RTN4: variants seen among roughly 807,000 people sequenced by gnomAD.
The protein encoded by RTN4 is reticulon 4.
A neutral mutation model predicts 90.4 loss-of-function variants in RTN4; 32 were observed. That is an observed-to-expected ratio of 0.35 (90% CI 0.27 to 0.48). RTN4 has a LOEUF of 0.48. RTN4 is among the 20% of genes least tolerant of loss of function. The pLI, the probability that RTN4 is intolerant of heterozygous loss-of-function variation, is 0.99. For missense variants in RTN4, 1,706 were observed against 1,430.2 expected (o/e 1.19, Z -3.11); for synonymous variants, 629 against 552.5 (o/e 1.14, Z -1.94).
rs559058913 is a variant in RTN4, at chr2:55,038,466, A to T, written c.557-10246T>A. On this transcript the variant is annotated intron_variant, in intron 1 of 8. Transcript: ENST00000337526. ...ATACAACACAATTTAAGAATGGGCA[A>T]ATTACTTGAACAGACACTTCACCAA... is the stretch of plus-strand genomic sequence containing the variant. Among the ~76,000 whole-genome samples the T allele has an allele frequency of 1.7e-4, 25 of 150,786 alleles. No individual in the cohort carries two copies. In the East Asian group the frequency reaches 5.0e-3, roughly 30 times the overall value.
At chr2:55,097,487 G>A (rs1667765830) in intron 1 of RTN4, among the ~76,000 whole-genome samples, 1 of 152,028 alleles carries the variant, frequency 6.6e-6, no homozygotes, top group Admixed American at 6.6e-5. Flanking sequence ...GAAGAAACTG[G>A]AGGCAGAAAG....
At chr2:55,020,199 A>T (rs1573397275) in intron 3 of RTN4, among the ~76,000 whole-genome samples, 1 of 152,310 alleles carries the variant, frequency 6.6e-6, no homozygotes, top group South Asian at 2.1e-4. Flanking sequence ...GAATAGGAAA[A>T]AAAATCCTAA....
intron 3 of RTN4, among the ~76,000 whole-genome samples, chr2:54,993,006 G>A (rs1230609192): frequency 1.2e-4 from 18 of 150,618 alleles, no homozygotes; most frequent in East Asian, 1.9e-4. Flanking sequence ...CCCGAGAGGC[G>A]GAGGTTGCAG....
At chr2:55,086,497 C>CAA (rs36045085) in intron 1 of RTN4, among the ~76,000 whole-genome samples, 5 of 146,722 alleles carry the variant, frequency 3.4e-5, no homozygotes, top group Non-Finnish European at 3.0e-5. Context: ...CTAATCTCTA[C>CAA]AAAAAAAAAA....
At chr2:55,079,144 T>C (rs1339928430) in intron 2 of RTN4, among the ~76,000 whole-genome samples, 2 of 152,198 alleles carry the variant, frequency 1.3e-5, no homozygotes, top group African/African-American at 4.8e-5. Flanking sequence ...CTGATTGATC[T>C]ATAAGGCAAA....
intron 5 of RTN4, among the ~76,000 whole-genome samples, chr2:54,978,457 C>G (rs1677846829): frequency 7.1e-6 from 1 of 141,810 alleles, no homozygotes; most frequent in South Asian, 2.2e-4. Flanking sequence ...AAAAAAAGAG[C>G]TAGTGATAAT....
At chr2:55,008,266 G>C (rs976531177) in intron 3 of RTN4, among the ~76,000 whole-genome samples, 1 of 151,576 alleles carries the variant, frequency 6.6e-6, no homozygotes, top group Non-Finnish European at 1.5e-5. Flanking sequence ...GTAGAAAAAT[G>C]CCTAAGTATA....
intron 3 of RTN4, among the ~76,000 whole-genome samples, chr2:55,008,565 A>G (rs763895405): frequency 1.3e-5 from 2 of 152,158 alleles, no homozygotes; most frequent in Non-Finnish European, 2.9e-5. Flanking sequence ...TTCCACTTAC[A>G]AAGTGAGGCT....
chr2:55,074,371 C>A (rs1668564708), intron 2 of RTN4, among the ~76,000 whole-genome samples: 1 of 151,800 alleles, frequency 6.6e-6, no homozygotes, highest in Admixed American at 6.6e-5. Flanking sequence ...GGTGTGGGGG[C>A]ACACTCCTGT....
intron 1 of RTN4, among the ~76,000 whole-genome samples, chr2:55,090,975 T>C (rs1668925074): frequency 6.6e-6 from 1 of 152,136 alleles, no homozygotes; most frequent in African/African-American, 2.4e-5. Flanking sequence ...AGTTGACATT[T>C]TTCAACTTCT....
At chr2:55,021,465 ACTTTTTTTTTTTTTTGT>A (rs1254046028) in intron 3 of RTN4, among the ~76,000 whole-genome samples, 2 of 133,212 alleles carry the variant, frequency 1.5e-5, no homozygotes, top group African/African-American at 2.7e-5. Flanking sequence ...CTGCTTTTAC[ACTTTTTTTTTTTTTTGT>A]CTTTTTTTTC....
chr2:55,088,387 C>T (rs1349512496), intron 1 of RTN4, among the ~76,000 whole-genome samples: 1 of 152,200 alleles, frequency 6.6e-6, no homozygotes, highest in African/African-American at 2.4e-5. Context: ...TTTCTATTAA[C>T]TGTTAGGGAT....
chr2:55,112,934 C>A (rs1365841844), upstream of RTN4, among the ~76,000 whole-genome samples: 1 of 152,184 alleles, frequency 6.6e-6, no homozygotes, highest in African/African-American at 2.4e-5. Context: ...CTGACATTTA[C>A]AAAGATGGAA....
intron 3 of RTN4, among the ~76,000 whole-genome samples, chr2:55,008,691 T>C (rs1680412706): frequency 6.6e-6 from 1 of 152,186 alleles, no homozygotes; most frequent in Admixed American, 6.5e-5. Flanking sequence ...TGTCTCATAA[T>C]ACCTTTAAAT....
At chr2:54,977,389 T>C (rs1422680086) in intron 5 of RTN4, among the ~76,000 whole-genome samples, 3 of 143,896 alleles carry the variant, frequency 2.1e-5, no homozygotes, top group African/African-American at 7.9e-5. Flanking sequence ...GGGTCAGCTA[T>C]TTCTGGAGCT....
the RTN4 span, among the ~76,000 whole-genome samples, chr2:55,127,204 G>A: frequency 6.6e-6 from 1 of 152,086 alleles, no homozygotes; most frequent in Admixed American, 6.6e-5. Context: ...AGAAAGAGGT[G>A]GCCTTAGAGC....
chr2:55,045,165 T>A (rs939707603), intron 1 of RTN4, among the ~76,000 whole-genome samples: 2 of 152,198 alleles, frequency 1.3e-5, no homozygotes, highest in African/African-American at 4.8e-5. Context: ...CCCCAACCCA[T>A]AATCTGTATT....
At chr2:55,028,905 C>T (rs764582253) in intron 1 of RTN4, among the ~76,000 whole-genome samples, 1 of 152,132 alleles carries the variant, frequency 6.6e-6, no homozygotes, top group Non-Finnish European at 1.5e-5. Flanking sequence ...GAGACTAAGG[C>T]AATTCAATTC....
upstream of RTN4, among the ~76,000 whole-genome samples, chr2:55,052,253 A>G (rs993356094): frequency 6.6e-6 from 1 of 152,232 alleles, no homozygotes; most frequent in Non-Finnish European, 1.5e-5. Flanking sequence ...CAGTTGTAAC[A>G]AATGTACCAC....
Sources: allele counts gnomAD v4.1 joint callset (sites outside exome capture counted in the v4.1 genomes callset), GRCh38; gene constraint gnomAD v4.1.1; transcripts MANE v1.5; gene names NCBI Gene and HGNC (gene_info 2026-07-23, HGNC 2026-07-21).